The following GRIN2A variants were observed in gnomAD, a reference collection of about 807,000 sequenced individuals.
GRIN2A encodes the protein glutamate receptor ionotropic, NMDA 2A.
A neutral mutation model predicts 113.4 loss-of-function variants in GRIN2A; 22 were observed. That is an observed-to-expected ratio of 0.19 (90% CI 0.14 to 0.28). The LOEUF is 0.28. GRIN2A is among the 10% of genes least tolerant of loss of function. GRIN2A has a pLI of 1.00. For synonymous variants in GRIN2A, 827 were observed against 738.4 expected, an observed-to-expected ratio of 1.12 and a Z score of -1.94; for missense variants, 1,502 against 1,887.0, an observed-to-expected ratio of 0.80 and a Z score of 3.78.
chr16:10,083,223 G>C (rs2048017964), intron 2 of GRIN2A, among the ~76,000 whole-genome samples: 1 of 152,218 alleles, frequency 6.6e-6, no homozygotes, highest in Non-Finnish European at 1.5e-5. Context: ...CTAGTTCTGG[G>C]TGTGCAAATC....
intron 2 of GRIN2A, among the ~76,000 whole-genome samples, chr16:10,137,478 G>C (rs2049221275): frequency 6.6e-6 from 1 of 152,174 alleles, no homozygotes; most frequent in Non-Finnish European, 1.5e-5. Context: ...CCTGCCTCCA[G>C]TCCTTCCTGC....
intron 2 of GRIN2A, among the ~76,000 whole-genome samples, chr16:10,139,502 T>G (rs1371734807): frequency 1.3e-5 from 2 of 152,264 alleles, no homozygotes; most frequent in Non-Finnish European, 2.9e-5. Context: ...TCTGTAGGGT[T>G]TGGCCTGTGC....
At chr16:9,805,170 G>C (rs1002566072) in intron 10 of GRIN2A, among the ~76,000 whole-genome samples, 23 of 152,184 alleles carry the variant, frequency 1.5e-4, no homozygotes, top group Admixed American at 4.6e-4. Flanking sequence ...CCCCACAGTA[G>C]AGGCATGGAC....
chr16:9,876,846 A>C (rs1417623642), intron 4 of GRIN2A, among the ~76,000 whole-genome samples: 1 of 152,158 alleles, frequency 6.6e-6, no homozygotes, highest in Non-Finnish European at 1.5e-5. Context: ...AGCTGGGTGC[A>C]TGGGTGGATA....
At chr16:10,052,790 G>A (rs1486409617) in intron 2 of GRIN2A, among the ~76,000 whole-genome samples, 2 of 152,160 alleles carry the variant, frequency 1.3e-5, no homozygotes. Context: ...GCTTACACCT[G>A]TAATCCCAGC....
chr16:10,022,358 C>A (rs1335535206), intron 2 of GRIN2A, among the ~76,000 whole-genome samples: 1 of 148,980 alleles, frequency 6.7e-6, no homozygotes, highest in Non-Finnish European at 1.5e-5. Flanking sequence ...CGTGTACCAT[C>A]CCAGCCACAC....
At chr16:10,031,205 C>T (rs1001507031) in intron 2 of GRIN2A, 1 of 152,188 alleles carries the variant, frequency 6.6e-6, no homozygotes, top group Non-Finnish European at 1.5e-5. Flanking sequence ...CTCTTTTAAT[C>T]CTTCTCTGCA....
intron 2 of GRIN2A, among the ~76,000 whole-genome samples, chr16:9,942,401 T>C (rs569152558): frequency 6.6e-6 from 1 of 152,304 alleles, no homozygotes; most frequent in South Asian, 2.1e-4. Flanking sequence ...CCCGTGGCTT[T>C]GAAAAAGTGC....
intron 2 of GRIN2A, among the ~76,000 whole-genome samples, chr16:10,100,232 G>A (rs564182560): frequency 6.6e-5 from 10 of 152,144 alleles, no homozygotes; most frequent in Non-Finnish European, 1.3e-4. Flanking sequence ...CCATAGCAAC[G>A]GGAAGCCATG....
intron 2 of GRIN2A, among the ~76,000 whole-genome samples, chr16:10,090,457 A>G (rs1319723023): frequency 6.6e-6 from 1 of 152,206 alleles, no homozygotes; most frequent in Non-Finnish European, 1.5e-5. Flanking sequence ...TCAACACATG[A>G]TGCTGGGAAA....
At chr16:10,056,865 T>G (rs979416553) in intron 2 of GRIN2A, among the ~76,000 whole-genome samples, 3 of 152,204 alleles carry the variant, frequency 2.0e-5, no homozygotes, top group Non-Finnish European at 4.4e-5. Flanking sequence ...AACTGTGATA[T>G]AATAAATTCC....
chr16:10,181,831 C>G (rs1201030012), intron 1 of GRIN2A, 46 bp downstream of exon 1: 1 of 153,294 alleles, frequency 6.5e-6, no homozygotes, highest in Non-Finnish European at 1.5e-5. Context: ...GGTCGAGTCT[C>G]CCTCCTCCCC....
intron 2 of GRIN2A, among the ~76,000 whole-genome samples, chr16:9,987,883 C>A (rs2046009487): frequency 6.6e-6 from 1 of 152,172 alleles, no homozygotes; most frequent in African/African-American, 2.4e-5. Context: ...TCTTTCCAGA[C>A]TTGGGGCAGG....
At chr16:9,832,103 T>C (rs181876197) in intron 8 of GRIN2A, among the ~76,000 whole-genome samples, 3 of 147,794 alleles carry the variant, frequency 2.0e-5, no homozygotes, top group African/African-American at 7.5e-5. Context: ...TATTTATTTA[T>C]TTATTTATTT....
At chr16:9,917,650 A>G (rs1488556628) in intron 3 of GRIN2A, among the ~76,000 whole-genome samples, 1 of 152,238 alleles carries the variant, frequency 6.6e-6, no homozygotes, top group African/African-American at 2.4e-5. Context: ...CAAATAAAAT[A>G]TGTTAACATC....
At chr16:10,162,416 A>G (rs983867128) in intron 2 of GRIN2A, among the ~76,000 whole-genome samples, 1 of 152,222 alleles carries the variant, frequency 6.6e-6, no homozygotes, top group African/African-American at 2.4e-5. Flanking sequence ...AAAGGATCAC[A>G]GTCTTTATTA....
chr16:10,000,276 TTC>T (rs1475310770), intron 2 of GRIN2A, among the ~76,000 whole-genome samples: 1 of 152,150 alleles, frequency 6.6e-6, no homozygotes, highest in African/African-American at 2.4e-5. Context: ...TGGTGAGTCC[TTC>T]TCGTACCACA....
intron 2 of GRIN2A, among the ~76,000 whole-genome samples, chr16:9,946,520 C>T (rs977162153): frequency 1.3e-5 from 2 of 152,104 alleles, no homozygotes; most frequent in African/African-American, 4.8e-5. Flanking sequence ...CATGGGCCTC[C>T]CTGAGCCACC....
chr16:9,983,337 G>A (rs1596386795), intron 2 of GRIN2A, among the ~76,000 whole-genome samples: 1 of 152,142 alleles, frequency 6.6e-6, no homozygotes, highest in Middle Eastern at 3.4e-3. Flanking sequence ...CACATGAAGT[G>A]AAAACACGTG....
Sources: gnomAD v4.1 joint callset for allele counts (sites outside exome capture counted in the v4.1 genomes callset) on GRCh38, gnomAD v4.1.1 for gene constraint, MANE v1.5 for transcripts, NCBI Gene and HGNC (gene_info 2026-07-23, HGNC 2026-07-21) for gene names.